REEP1: variants seen among roughly 807,000 people sequenced by gnomAD.
The protein encoded by REEP1 is receptor accessory protein 1.
REEP1 carries 22 observed loss-of-function variants against 40.3 expected under a neutral mutation model. The ratio of observed to expected loss-of-function variants is 0.55; its 90% CI spans 0.39 to 0.78. The LOEUF (loss-of-function observed/expected upper bound fraction) is 0.78. Ranked by LOEUF, REEP1 falls within the 30% of genes least tolerant of loss-of-function variation. REEP1 has a pLI of 0.00. For synonymous variants in REEP1, 116 were observed against 139.2 expected, an observed-to-expected ratio of 0.83 and a Z score of 1.17; for missense variants, 280 against 361.1, an observed-to-expected ratio of 0.78 and a Z score of 1.82.
At chr2:86,226,229 G>A (rs1417315645) in intron 7 of REEP1, among the ~76,000 whole-genome samples, 1 of 152,006 alleles carries the variant, frequency 6.6e-6, no homozygotes, top group Non-Finnish European at 1.5e-5. Context: ...AGGCCGGGAA[G>A]CAGGGATCTC....
chr2:86,282,384 G>A, intron 1 of REEP1, 142 bp from the exon 2 acceptor site: 1 of 691,452 alleles, frequency 1.4e-6, no homozygotes, highest in African/African-American at 1.8e-5. Flanking sequence ...TGAATGCCCT[G>A]AAGGTGTTCT....
At chr2:86,332,331 C>T (rs1170524295) in intron 1 of REEP1, among the ~76,000 whole-genome samples, 2 of 151,880 alleles carry the variant, frequency 1.3e-5, no homozygotes, top group Non-Finnish European at 2.9e-5. Flanking sequence ...ACCAGCTGGG[C>T]ATGTGTGTGG....
At chr2:86,249,538 A>C (rs1036050312) in intron 5 of REEP1, among the ~76,000 whole-genome samples, 1 of 152,080 alleles carries the variant, frequency 6.6e-6, no homozygotes, top group Non-Finnish European at 1.5e-5. Context: ...CTGTTTAAAA[A>C]TCATCTGGGG....
At chr2:86,231,875 A>G (rs1030646445) in intron 6 of REEP1, among the ~76,000 whole-genome samples, 5 of 152,176 alleles carry the variant, frequency 3.3e-5, no homozygotes, top group African/African-American at 1.2e-4. Context: ...CTGCATCTCA[A>G]TGAAAATCAC....
At chr2:86,290,920 T>C (rs1678662175) in intron 1 of REEP1, among the ~76,000 whole-genome samples, 1 of 151,922 alleles carries the variant, frequency 6.6e-6, no homozygotes, top group Non-Finnish European at 1.5e-5. Flanking sequence ...AGGGAGAAAA[T>C]AGGAAAACAG....
chr2:86,331,446 G>A (rs1261361674), intron 1 of REEP1, among the ~76,000 whole-genome samples: 1 of 152,130 alleles, frequency 6.6e-6, no homozygotes, highest in Non-Finnish European at 1.5e-5. Context: ...CTACAAAGAG[G>A]GGGAAAGGAT....
At chr2:86,287,358 A>G (rs1678449683) in intron 1 of REEP1, among the ~76,000 whole-genome samples, 1 of 152,148 alleles carries the variant, frequency 6.6e-6, no homozygotes, top group South Asian at 2.1e-4. Flanking sequence ...AAAGTGCTGG[A>G]ATTAAAGACA....
At chr2:86,260,105 G>C (rs1055636057) in intron 3 of REEP1, among the ~76,000 whole-genome samples, 3 of 152,160 alleles carry the variant, frequency 2.0e-5, no homozygotes, top group Admixed American at 2.0e-4. Flanking sequence ...CCTGTTCTCA[G>C]GGTGAGAGGA....
intron 1 of REEP1, among the ~76,000 whole-genome samples, chr2:86,300,510 T>C (rs188963735): frequency 2.0e-5 from 3 of 152,292 alleles, no homozygotes; most frequent in Admixed American, 1.3e-4. Flanking sequence ...TGCTTGGCCA[T>C]ATACACATGA....
At position 86,214,403 on chromosome 2, in the gene REEP1, A is replaced by G. The variant is rs1204062512; in HGVS notation, c.*2636T>C. On this transcript the variant is annotated 3_prime_UTR_variant, in exon 9 of 9. Coordinates refer to ENST00000538924, the MANE Select transcript of REEP1 (RefSeq NM_001371279.1). The stretch of plus-strand genomic sequence containing the variant: ...CACAAAGCCAGGAGGGATTATGACT[A>G]AACTCTCCAGTTTATAAGCACAAGT... The G allele has an allele frequency of 6.5e-6, 1 of 152,784 alleles. No individual in the cohort carries two copies. Among genetic ancestry groups the G allele is most frequent in the African/African-American group, 2.4e-5 (1 of 41,578 alleles). 9.5% of individuals were successfully genotyped at this position (152,784 alleles called of 1,614,324 possible). A position where few individuals can be genotyped will look rare whatever the true frequency, so the allele number is the denominator to read the frequency against.
chr2:86,243,591 T>G (rs1675782838), intron 5 of REEP1, among the ~76,000 whole-genome samples: 1 of 152,176 alleles, frequency 6.6e-6, no homozygotes, highest in African/African-American at 2.4e-5. Context: ...GTAGAAACAC[T>G]GGGAGAGCCG....
At position 86,261,303 on chromosome 2, in the gene REEP1, G is replaced by T. The variant is rs148026114; in HGVS notation, c.182+2662C>A. On this transcript the variant is annotated intron_variant, in intron 3 of 8. Transcript: ENST00000538924. Reference sequence around the variant, plus strand: ...TGAATCAGACAGGAGTTTCCTTGTGGGGAAAAGCAAGAGAGATCAGATTGT... The same window carrying T: ...TGAATCAGACAGGAGTTTCCTTGTGTGGAAAAGCAAGAGAGATCAGATTGT... Among the ~76,000 whole-genome samples, 288 of 152,282 alleles carry T rather than the reference G, an allele frequency of 1.9e-3. 1 individual carries two copies. Among genetic ancestry groups the T allele is most frequent in the Middle Eastern group, 3.4e-3 (1 of 294 alleles).
At chr2:86,237,677 C>T (rs1323447120) in intron 5 of REEP1, among the ~76,000 whole-genome samples, 1 of 152,046 alleles carries the variant, frequency 6.6e-6, no homozygotes, top group African/African-American at 2.4e-5. Flanking sequence ...TGGCCACCAC[C>T]ACGCCCGGCT....
At chr2:86,318,809 G>A (rs1680152135) in intron 1 of REEP1, among the ~76,000 whole-genome samples, 1 of 152,108 alleles carries the variant, frequency 6.6e-6, no homozygotes, top group Non-Finnish European at 1.5e-5. Context: ...CTTTCAGATG[G>A]TTAGACAAGA....
intron 1 of REEP1, among the ~76,000 whole-genome samples, chr2:86,289,530 G>T (rs1030982696): frequency 6.6e-6 from 1 of 151,548 alleles, no homozygotes; most frequent in South Asian, 2.1e-4. Context: ...TTGACCCTTT[G>T]TTTTTCTATA....
At chr2:86,221,619 G>C (rs1219592672) in intron 7 of REEP1, among the ~76,000 whole-genome samples, 1 of 152,072 alleles carries the variant, frequency 6.6e-6, no homozygotes, top group Admixed American at 6.5e-5. Context: ...GGGTGCCCTG[G>C]TCCTCATGTC....
At chr2:86,225,785 G>C (rs556807372) in intron 7 of REEP1, among the ~76,000 whole-genome samples, 1 of 152,320 alleles carries the variant, frequency 6.6e-6, no homozygotes, top group African/African-American at 2.4e-5. Flanking sequence ...CCTGACACCA[G>C]CCAGCAGGCT....
At chr2:86,218,214 C>G (rs991475781) in intron 8 of REEP1, among the ~76,000 whole-genome samples, 6 of 152,200 alleles carry the variant, frequency 3.9e-5, no homozygotes, top group African/African-American at 7.2e-5. Context: ...CAGGCATCGT[C>G]ACCTCCTTTG....
intron 1 of REEP1, among the ~76,000 whole-genome samples, chr2:86,311,559 G>A (rs750867281): frequency 9.2e-5 from 14 of 152,034 alleles, no homozygotes; most frequent in African/African-American, 1.9e-4. Context: ...CGGCCTGGAC[G>A]GGCATCACTC....
Sources: allele counts gnomAD v4.1 joint callset (sites outside exome capture counted in the v4.1 genomes callset), GRCh38; gene constraint gnomAD v4.1.1; transcripts MANE v1.5; gene names NCBI Gene and HGNC (gene_info 2026-07-23, HGNC 2026-07-21).